FANCA: variants seen among roughly 807,000 people sequenced by gnomAD.
The protein encoded by FANCA is Fanconi anemia group A protein.
A neutral mutation model predicts 194.3 loss-of-function variants in FANCA; 236 were observed. The ratio of observed to expected loss-of-function variants is 1.21; its 90% confidence interval spans 1.09 to 1.35. The LOEUF (loss-of-function observed/expected upper bound fraction) is 1.35, where lower values mean the gene tolerates loss of function less well. Ranked by LOEUF, FANCA falls within the 40% of genes most tolerant of loss-of-function variation. The pLI is 0.00. For synonymous variants in FANCA, 1,014 were observed against 715.8 expected, an observed-to-expected ratio of 1.42 and a Z score of -6.65; for missense variants, 2,628 against 1,813.9, an observed-to-expected ratio of 1.45 and a Z score of -8.15.
intron 20 of FANCA, among the ~76,000 whole-genome samples, chr16:89,776,917 AT>A (rs1158213002): frequency 3.3e-5 from 5 of 152,208 alleles, no homozygotes; most frequent in African/African-American, 1.2e-4. Flanking sequence ...CTTTCTTAAC[AT>A]GATAAAGGGT....
intron 28 of FANCA, among the ~76,000 whole-genome samples, chr16:89,762,274 C>G (rs923660647): frequency 1.3e-5 from 2 of 152,152 alleles, no homozygotes; most frequent in African/African-American, 2.4e-5. Context: ...CTATTTTAGT[C>G]TGGGCAACAT....
At position 89,791,537 on chromosome 16, in the gene FANCA, C is replaced by A; in HGVS notation, c.1226-1G>T. ...TGGGCCATCAAACGCGCCACCCAGT[C>A]TAGTTAAGAACCATGACATAGTCAC... On this transcript the variant is annotated splice_acceptor_variant, in intron 13 of 42. Coordinates refer to ENST00000389301, the MANE Select transcript of FANCA (RefSeq NM_000135.4). LOFTEE classifies it high-confidence loss of function. 1 of 1,614,028 alleles carries A rather than the reference C, an allele frequency of 6.2e-7. No individual in the cohort carries two copies. The highest frequency in any genetic ancestry group is 8.5e-7 in the Non-Finnish European group (1 of 1,180,018).
chr16:89,816,224 G>A (rs540592172), intron 1 of FANCA: 26 of 518,228 alleles, frequency 5.0e-5, no homozygotes, highest in South Asian at 3.1e-4. Context: ...GCTGGCGAGG[G>A]GCGGCCTCTG....
At chr16:89,771,266 C>T (rs377238385) in intron 23 of FANCA, among the ~76,000 whole-genome samples, 16 of 151,788 alleles carry the variant, frequency 1.1e-4, no homozygotes, top group African/African-American at 1.7e-4. Flanking sequence ...CTAGACCAGT[C>T]GAGGCAACAC....
At chr16:89,750,850 C>G (rs1243921811) in intron 31 of FANCA, among the ~76,000 whole-genome samples, 1 of 152,156 alleles carries the variant, frequency 6.6e-6, no homozygotes, top group East Asian at 1.9e-4. Flanking sequence ...TAACCTCTGG[C>G]TAACATTTTA....
chr16:89,785,851 G>GTTTT (rs1598142247), intron 14 of FANCA, among the ~76,000 whole-genome samples: 7 of 91,730 alleles, frequency 7.6e-5, no homozygotes, highest in Admixed American at 3.6e-4. Context: ...GTGCAAAATT[G>GTTTT]TGTTTTGTTT....
chr16:89,773,757 C>T (rs1160700781), intron 21 of FANCA, among the ~76,000 whole-genome samples: 2 of 151,318 alleles, frequency 1.3e-5, no homozygotes, highest in Non-Finnish European at 2.9e-5. Context: ...ACCATTTAGT[C>T]CCCTGGTTCC....
At chr16:89,760,334 C>G (rs1014150812) in intron 29 of FANCA, among the ~76,000 whole-genome samples, 15 of 152,222 alleles carry the variant, frequency 9.9e-5, no homozygotes, top group Admixed American at 7.9e-4. Context: ...TTTTGTGGCC[C>G]CTATGTTTTC....
intron 37 of FANCA, among the ~76,000 whole-genome samples, chr16:89,741,523 C>G (rs956717179): frequency 6.6e-6 from 1 of 152,150 alleles, no homozygotes; most frequent in African/African-American, 2.4e-5. Context: ...TTGTGGGATG[C>G]TTGTTTCTGT....
At chr16:89,809,934 G>A (rs1162024033) in intron 5 of FANCA, among the ~76,000 whole-genome samples, 1 of 152,116 alleles carries the variant, frequency 6.6e-6, no homozygotes, top group Non-Finnish European at 1.5e-5. Flanking sequence ...GCTGAGGCAG[G>A]ACAATCGCTT....
In FANCA at chr16:89,815,899, T is replaced by C; in HGVS notation, c.167A>G (p.Asp56Gly). 1 of 1,613,968 alleles carries C rather than the reference T, an allele frequency of 6.2e-7. No homozygotes were observed. The highest frequency in any genetic ancestry group is 8.5e-7 in the Non-Finnish European group (1 of 1,179,840). Reference sequence around the variant, plus strand: ...TACCTCAAGCAAAAGGGCATTCAGGTCCTGATGGCTTCGCAGGAGGCGCAC... The same window carrying C: ...TACCTCAAGCAAAAGGGCATTCAGGCCCTGATGGCTTCGCAGGAGGCGCAC... ...SAVRLLRSHQDLNALLLEVEG... is the reference protein window; with the variant it reads ...SAVRLLRSHQGLNALLLEVEG... The change falls in exon 2 of 43, where the codon GAC (aspartate) becomes GGC (glycine). Residue 56 changes from aspartate to glycine, a missense_variant. By Grantham distance (94) the Asp-to-Gly change is moderately conservative (BLOSUM62 -1). Coordinates refer to ENST00000389301, the MANE Select transcript of FANCA (RefSeq NM_000135.4).
In FANCA at chr16:89,752,161, C is replaced by A. The variant is rs1443921504; in HGVS notation, c.3043G>T (p.Glu1015Ter). Residue 1015 changes from glutamate to a stop codon, truncating the protein, a stop_gained, in exon 31 of 43, where the codon GAG (glutamate) becomes TAG (stop). Transcript: ENST00000389301. LOFTEE classifies it high-confidence loss of function. ...ACCTGCAATCTGGAAATAATATCCTCATTTCCTGTGCGGCCACCAAAGACC... is the reference window on the plus strand; with the variant it reads ...ACCTGCAATCTGGAAATAATATCCTAATTTCCTGTGCGGCCACCAAAGACC... Reference protein sequence around the residue: ...DLVFGGRTGNEDIISRLQEMV... With the variant: ...DLVFGGRTGN 1 of 1,614,094 alleles carries A rather than the reference C, an allele frequency of 6.2e-7. No homozygotes were observed. The highest frequency in any genetic ancestry group is 1.7e-5 in the Admixed American group (1 of 60,024).
intron 14 of FANCA, among the ~76,000 whole-genome samples, chr16:89,786,842 T>C (rs184154987): frequency 6.6e-5 from 10 of 152,278 alleles, no homozygotes; most frequent in African/African-American, 2.2e-4. Context: ...AAGGGTTCCC[T>C]TCTCAAAACA....
intron 6 of FANCA, among the ~76,000 whole-genome samples, chr16:89,806,393 G>T (rs1300299474): frequency 8.4e-6 from 1 of 119,406 alleles, no homozygotes; most frequent in Admixed American, 1.0e-4. Context: ...GGTGTTTCTC[G>T]CAGAGGGGGA....
chr16:89,773,357 G>C lies in FANCA; in HGVS notation c.1928C>G (p.Pro643Arg), dbSNP rs34592408. The C allele has an allele frequency of 1.0e-3, 1,564 of 1,551,470 alleles. 14 individuals carry two copies. In the African/African-American group the frequency reaches 0.02, roughly 19 times the overall value. Residue 643 changes from proline to arginine, a missense_variant, in exon 22 of 43, where the codon CCC (proline) becomes CGC (arginine). Pro to Arg is a moderately radical substitution (Grantham distance 103). Coordinates refer to ENST00000389301, the MANE Select transcript of FANCA (RefSeq NM_000135.4). ...TCCCAGGGGCTCCTCAGCAGAGTTG[G>C]GTTCTGCCCTCACTCCCAGGGCTGC... Reference protein sequence around the residue: ...EDAALGVRAEPNSAEEPLGQL... With the variant: ...EDAALGVRAERNSAEEPLGQL...
intron 6 of FANCA, among the ~76,000 whole-genome samples, chr16:89,807,354 G>C (rs2143648775): frequency 6.6e-6 from 1 of 151,226 alleles, no homozygotes; most frequent in Admixed American, 6.6e-5. Flanking sequence ...CTACTGAGGA[G>C]GCAGGGGCAG....
intron 33 of FANCA, among the ~76,000 whole-genome samples, chr16:89,747,482 C>T (rs745333362): frequency 6.6e-6 from 1 of 152,122 alleles, no homozygotes; most frequent in African/African-American, 2.4e-5. Context: ...GGGTGGATCA[C>T]GAGGTCAGGA....
In FANCA at chr16:89,739,191, G is replaced by C. The variant is rs1005560269; in HGVS notation, c.4109C>G (p.Ala1370Gly). 2.5e-6 allele frequency: 4 copies of C among 1,614,162 alleles called. No individual in the cohort carries two copies. The African/African-American group carries it at 5.3e-5, about 22-fold the overall frequency. ...MYLKLVQLFVAGDTSTVSPPA... is the reference protein window; with the variant it reads ...MYLKLVQLFVGGDTSTVSPPA... ...AGGTGAAACTGTGCTTGTATCCCCA[G>C]CCACGAAGAGCTGGACCAGCTTCAA... The change falls in exon 41 of 43, where the codon GCT (alanine) becomes GGT (glycine). Residue 1370 changes from alanine (A) to glycine (G), a missense_variant. Transcript: ENST00000389301.
chr16:89,743,975 G>A (rs1369548752), intron 36 of FANCA, among the ~76,000 whole-genome samples: 3 of 151,942 alleles, frequency 2.0e-5, no homozygotes, highest in Non-Finnish European at 4.4e-5. Flanking sequence ...TCGGCTCACT[G>A]CAACCTCCAC....
Sources: allele counts gnomAD v4.1 joint callset (sites outside exome capture counted in the v4.1 genomes callset), GRCh38; gene constraint gnomAD v4.1.1; transcripts MANE v1.5; gene names NCBI Gene and HGNC (gene_info 2026-07-23, HGNC 2026-07-21).